Variants in MAPRE3 observed in about 807,000 individuals in gnomAD.
The protein encoded by MAPRE3 is microtubule associated protein RP/EB family member 3.
A neutral mutation model predicts 30.5 loss-of-function variants in MAPRE3; 2 were observed. The ratio of observed to expected loss-of-function variants is 0.07; its 90% CI spans 0.03 to 0.21. The LOEUF (loss-of-function observed/expected upper bound fraction) is 0.21. MAPRE3 is among the 10% of genes least tolerant of loss of function. The pLI is 1.00. For synonymous variants in MAPRE3, 110 were observed against 127.7 expected, an observed-to-expected ratio of 0.86 and a Z score of 0.93; for missense variants, 204 against 351.8, an observed-to-expected ratio of 0.58 and a Z score of 3.36.
chr2:27,000,985 T>C (rs1267251333), intron 1 of MAPRE3, among the ~76,000 whole-genome samples: 1 of 152,242 alleles, frequency 6.6e-6, no homozygotes, highest in Non-Finnish European at 1.5e-5. Flanking sequence ...TGTAGAAAAT[T>C]TTGAAAATTC....
chr2:27,025,985 A>C lies in MAPRE3; in HGVS notation c.730A>C (p.Asn244His), dbSNP rs1181996605. Residue 244 changes from asparagine to histidine, a missense_variant, in exon 6 of 7, where the codon AAC (asparagine) becomes CAC (histidine). Asn to His is a moderately conservative substitution (Grantham distance 68, BLOSUM62 1). Coordinates refer to ENST00000233121, the MANE Select transcript of MAPRE3 (RefSeq NM_012326.4). Reference protein sequence around the residue: ...ELICQEHESENSPVISGIIGI... With the variant: ...ELICQEHESEHSPVISGIIGI... The stretch of plus-strand genomic sequence containing the variant: ...CATCTGCCAGGAGCATGAAAGTGAA[A>C]ACAGCCCTGTTATCTCAGGCATCAT... The C allele has an allele frequency of 6.2e-7, 1 of 1,614,098 alleles. No homozygotes were observed. The highest frequency in any genetic ancestry group is 8.5e-7 in the Non-Finnish European group (1 of 1,180,038).
chr2:26,978,531 C>G (rs1046481773), intron 1 of MAPRE3, among the ~76,000 whole-genome samples: 1 of 152,166 alleles, frequency 6.6e-6, no homozygotes, highest in Non-Finnish European at 1.5e-5. Flanking sequence ...GAGCTCATAG[C>G]TGAAAGCTCT....
intron 1 of MAPRE3, among the ~76,000 whole-genome samples, chr2:27,016,431 C>G (rs1463139686): frequency 1.4e-5 from 2 of 145,772 alleles, no homozygotes; most frequent in Non-Finnish European, 3.0e-5. Context: ...TTTGCCCAGG[C>G]TGGAGTGCAG....
intron 1 of MAPRE3, among the ~76,000 whole-genome samples, chr2:27,005,900 C>T (rs544779398): frequency 3.9e-5 from 6 of 152,120 alleles, no homozygotes; most frequent in Non-Finnish European, 5.9e-5. Flanking sequence ...AAGAGTGTGT[C>T]GGCCGGGCGC....
At chr2:26,979,342 T>G (rs1352170226) in intron 1 of MAPRE3, among the ~76,000 whole-genome samples, 12 of 152,148 alleles carry the variant, frequency 7.9e-5, no homozygotes, top group Admixed American at 7.9e-4. Context: ...TACCAACACT[T>G]TGGGAGGCCA....
intron 1 of MAPRE3, among the ~76,000 whole-genome samples, chr2:26,972,746 T>C (rs1283598013): frequency 6.6e-6 from 1 of 152,232 alleles, no homozygotes; most frequent in East Asian, 1.9e-4. Flanking sequence ...CAAGGCTAGA[T>C]AGATCAGGAG....
At chr2:27,023,539 C>A in intron 3 of MAPRE3, 62 bp downstream of exon 3, 1 of 1,603,162 alleles carries the variant, frequency 6.2e-7, no homozygotes, top group Non-Finnish European at 8.5e-7. Flanking sequence ...GAAGAGGACC[C>A]ACCAGCCCAG....
intron 1 of MAPRE3, among the ~76,000 whole-genome samples, chr2:27,001,589 G>A (rs1004745913): frequency 4.6e-5 from 7 of 152,048 alleles, no homozygotes; most frequent in Admixed American, 3.9e-4. Context: ...CATAGAAAGG[G>A]TACGGTGAAC....
intron 1 of MAPRE3, among the ~76,000 whole-genome samples, chr2:26,974,237 T>A (rs138072746): frequency 2.0e-5 from 3 of 152,286 alleles, no homozygotes; most frequent in Admixed American, 6.5e-5. Flanking sequence ...AATTTAGTAG[T>A]CCGTAATTAG....
At chr2:27,004,045 GT>G (rs1666667186) in intron 1 of MAPRE3, among the ~76,000 whole-genome samples, 1 of 152,144 alleles carries the variant, frequency 6.6e-6, no homozygotes, top group Admixed American at 6.5e-5. Context: ...CCTTCCATGA[GT>G]CATCTGTCAA....
Position 27,026,386 on chromosome 2 carries a change from GTGCC to G in MAPRE3, c.*40_*43del. ...CCCTGGCTGACTGCACAGCTTCCCC[GTGCC>G]TCCCTCCCTGCTCCACTCCCACATT... On this transcript the variant is annotated 3_prime_UTR_variant, in exon 7 of 7. Transcript: ENST00000233121. The G allele has an allele frequency of 6.5e-7, 1 of 1,547,628 alleles. No individual in the cohort carries two copies. Among genetic ancestry groups the G allele is most frequent in the Non-Finnish European group, 8.9e-7 (1 of 1,127,486 alleles).
At chr2:27,017,953 A>G (rs1330657543) in intron 1 of MAPRE3, among the ~76,000 whole-genome samples, 1 of 152,196 alleles carries the variant, frequency 6.6e-6, no homozygotes, top group Admixed American at 6.5e-5. Context: ...TCTGCAATGC[A>G]TGGAAGAGGC....
At chr2:27,018,927 A>ATTTATTTATTTT (rs1553330734) in intron 1 of MAPRE3, among the ~76,000 whole-genome samples, 24 of 150,834 alleles carry the variant, frequency 1.6e-4, no homozygotes, top group African/African-American at 5.9e-4. Context: ...TTATTTATTT[A>ATTTATTTATTTT]TTTTTTGGAG....
At chr2:27,021,813 C>T (rs1446271961) in intron 1 of MAPRE3, among the ~76,000 whole-genome samples, 1 of 152,158 alleles carries the variant, frequency 6.6e-6, no homozygotes, top group African/African-American at 2.4e-5. Flanking sequence ...CTGGAAAATT[C>T]CTATTCTTCT....
intron 1 of MAPRE3, among the ~76,000 whole-genome samples, chr2:26,983,397 C>G (rs1572744546): frequency 6.6e-6 from 1 of 152,142 alleles, no homozygotes; most frequent in Non-Finnish European, 1.5e-5. Flanking sequence ...GACATGCAAG[C>G]CTCTGATTGA....
chr2:27,006,587 C>A (rs150545780), intron 1 of MAPRE3, among the ~76,000 whole-genome samples: 1 of 152,098 alleles, frequency 6.6e-6, no homozygotes, highest in African/African-American at 2.4e-5. Flanking sequence ...TGTGCCACCA[C>A]GTCCCACTAT....
At chr2:26,975,166 C>T (rs1215382841) in intron 1 of MAPRE3, among the ~76,000 whole-genome samples, 1 of 152,160 alleles carries the variant, frequency 6.6e-6, no homozygotes, top group Non-Finnish European at 1.5e-5. Flanking sequence ...GGCTAGTTCT[C>T]CAGCAGGGAG....
intron 1 of MAPRE3, among the ~76,000 whole-genome samples, chr2:27,016,458 C>T (rs1204814711): frequency 6.7e-6 from 1 of 149,538 alleles, no homozygotes; most frequent in African/African-American, 2.5e-5. Context: ...TATCTTGGCT[C>T]ACTGCAAGCT....
intron 1 of MAPRE3, among the ~76,000 whole-genome samples, chr2:26,973,391 T>C (rs1665951132): frequency 6.6e-6 from 1 of 152,196 alleles, no homozygotes; most frequent in Non-Finnish European, 1.5e-5. Flanking sequence ...AGTAGGAGGC[T>C]ATTGAACGGA....
Sources: gnomAD v4.1 joint callset for allele counts (sites outside exome capture counted in the v4.1 genomes callset) on GRCh38, gnomAD v4.1.1 for gene constraint, MANE v1.5 for transcripts, NCBI Gene and HGNC (gene_info 2026-07-23, HGNC 2026-07-21) for gene names.